DDX17: variants seen among roughly 807,000 people sequenced by gnomAD.
DDX17 encodes probable ATP-dependent RNA helicase DDX17.
Under a neutral mutation model 80.8 loss-of-function variants are expected in DDX17, and 10 were observed. The observed-to-expected ratio is 0.12, with a 90% CI of 0.08 to 0.21. The LOEUF (loss-of-function observed/expected upper bound fraction) is 0.21. Ranked by LOEUF, DDX17 falls within the 10% of genes least tolerant of loss-of-function variation. The pLI is 1.00. For synonymous variants in DDX17, 339 were observed against 336.2 expected, an observed-to-expected ratio of 1.01 and a Z score of -0.09; for missense variants, 586 against 957.4, an observed-to-expected ratio of 0.61 and a Z score of 5.12.
At chr22:38,494,408 G>A (rs538206318) in intron 8 of DDX17, 12 of 621,364 alleles carry the variant, frequency 1.9e-5, no homozygotes, top group African/African-American at 1.8e-4. Flanking sequence ...AAATTATACA[G>A]CTTGTAATCA....
In DDX17 at chr22:38,495,573, G is replaced by A. The variant is rs532257431; in HGVS notation, c.880+223C>T. On this transcript the variant is annotated intron_variant, in intron 6 of 12. Transcript: ENST00000403230. ...GAAGCTAAATTTTAACAAAGTAACC[G>A]CAAAACCATGTCAGGACTTATGTAC... is the stretch of plus-strand genomic sequence containing the variant. Among the ~76,000 whole-genome samples the A allele has an allele frequency of 2.6e-4, 40 of 152,166 alleles. No homozygotes were observed. The South Asian group carries it at 2.7e-3, about 10-fold the overall frequency.
chr22:38,486,016 A>G lies in DDX17; in HGVS notation c.2109T>C (p.Ala703=). 6.2e-7 allele frequency: 1 copy of G among 1,613,942 alleles called. No homozygotes were observed. The highest frequency in any genetic ancestry group is 8.5e-7 in the Non-Finnish European group (1 of 1,179,970). ...GCCCCATGTAACCTATCATATTGGTAGCTCCCGGAGGCTGTGCAAACTGTT... is the reference window on the plus strand; with the variant it reads ...GCCCCATGTAACCTATCATATTGGTGGCTCCCGGAGGCTGTGCAAACTGTT... Residue 703 remains alanine, a synonymous_variant, in exon 13 of 13, where the codon GCT becomes GCC. Coordinates refer to ENST00000403230, the MANE Select transcript of DDX17 (RefSeq NM_006386.5).
intron 6 of DDX17, 31 bp downstream of exon 6, chr22:38,495,765 C>G: frequency 1.4e-6 from 2 of 1,448,210 alleles, no homozygotes; most frequent in Non-Finnish European, 1.8e-6. Flanking sequence ...GTAAGATAAA[C>G]TAACAATTCT....
At chr22:38,497,819 A>AACACTTGATTTACTGCACAGTAAATGC (rs2089785839) in intron 5 of DDX17, among the ~76,000 whole-genome samples, 1 of 151,944 alleles carries the variant, frequency 6.6e-6, no homozygotes, top group Non-Finnish European at 1.5e-5. Flanking sequence ...AAAACCAGAA[A>AACACTTGATTTACTGCACAGTAAATGC]ACACTTGATT....
At chr22:38,501,445 CCT>C (rs1446815843) in intron 1 of DDX17, among the ~76,000 whole-genome samples, 165 bp from the exon 2 acceptor site, 1 of 152,096 alleles carries the variant, frequency 6.6e-6, no homozygotes, top group Non-Finnish European at 1.5e-5. Context: ...ATGTGTAAAA[CCT>C]CCCTTACTAC....
At chr22:38,498,009 A>G in intron 5 of DDX17, 76 bp downstream of exon 5, 2 of 1,395,038 alleles carry the variant, frequency 1.4e-6, no homozygotes, top group Non-Finnish European at 2.0e-6. Flanking sequence ...CAAATGGATA[A>G]TGTAAAGCAC....
chr22:38,504,964 A>AC (rs1156671260), intron 1 of DDX17, among the ~76,000 whole-genome samples: 1 of 152,144 alleles, frequency 6.6e-6, no homozygotes, highest in Non-Finnish European at 1.5e-5. Flanking sequence ...GCTGGAGTGC[A>AC]ATGGCGCGAT....
chr22:38,494,152 G>A (rs368012415), intron 8 of DDX17, 21 bp from the exon 9 acceptor site: 22 of 1,504,806 alleles, frequency 1.5e-5, no homozygotes, highest in Non-Finnish European at 1.9e-5. Flanking sequence ...GACCAACAAT[G>A]CAGTCATCAC....
chr22:38,490,038 AG>A, intron 11 of DDX17: 2 of 1,038,960 alleles, frequency 1.9e-6, no homozygotes, highest in Non-Finnish European at 2.3e-6. Flanking sequence ...TATTTCTAGA[AG>A]GGGGTGCTCA....
At chr22:38,488,185 A>G (rs2089679849) in intron 11 of DDX17, 70 bp from the exon 12 acceptor site, 1 of 1,609,320 alleles carries the variant, frequency 6.2e-7, no homozygotes, top group Non-Finnish European at 8.5e-7. Context: ...GGACATGCCA[A>G]CAACAGGTGG....
intron 1 of DDX17, 70 bp from the exon 2 acceptor site, chr22:38,501,350 T>A: frequency 6.6e-7 from 1 of 1,511,262 alleles, no homozygotes; most frequent in Non-Finnish European, 8.9e-7. Flanking sequence ...CATAAGAATA[T>A]TCAAAAAGGA....
chr22:38,495,848 A>G lies in DDX17; in HGVS notation c.828T>C (p.Thr276=), dbSNP rs919340586. The G allele has an allele frequency of 3.1e-6, 5 of 1,612,256 alleles. No homozygotes were observed. The highest frequency in any genetic ancestry group is 1.3e-5 in the African/African-American group (1 of 74,854). ...CTTTAGGAGCACCTCCATAAATACA[A>G]GTACTCTTCAATCTAGAACATTTGC... The change falls in exon 6 of 13, where the codon ACT becomes ACC. Residue 276 remains threonine, a synonymous_variant. Transcript: ENST00000403230.
chr22:38,498,196 T>C, intron 4 of DDX17, 46 bp from the exon 5 acceptor site: 2 of 1,588,666 alleles, frequency 1.3e-6, no homozygotes, highest in African/African-American at 1.3e-5. Context: ...AGAAGTACAA[T>C]CTTACTTAGA....
At chr22:38,505,697 T>C (rs989842268) in intron 1 of DDX17, 10 of 470,076 alleles carry the variant, frequency 2.1e-5, no homozygotes, top group Admixed American at 8.7e-5. Flanking sequence ...CCCGCGGGGC[T>C]GGGATGGGGC....
chr22:38,490,326 A>G, intron 11 of DDX17: 1 of 1,287,306 alleles, frequency 7.8e-7, no homozygotes, highest in Non-Finnish European at 1.0e-6. Flanking sequence ...ATCGCCAATC[A>G]CTAATAAGGA....
At chr22:38,490,810 T>C (rs1324241678) in intron 11 of DDX17, 1 of 192,712 alleles carries the variant, frequency 5.2e-6, no homozygotes, top group Non-Finnish European at 1.1e-5. Context: ...TGATGTTGAG[T>C]AACAAGAAAC....
rs1050884641 is a variant in DDX17, at chr22:38,493,854, A to AT, written c.1326-84dup. Reference sequence around the variant, plus strand: ...CTTTAAAGCCAAATGCTATCATGCAATTTTTGTAAGGTTTGTCAGGCTTCA... The same window carrying AT: ...CTTTAAAGCCAAATGCTATCATGCAATTTTTTGTAAGGTTTGTCAGGCTTCA... On this transcript the variant is annotated intron_variant, in intron 9 of 12. Coordinates refer to ENST00000403230, the MANE Select transcript of DDX17 (RefSeq NM_006386.5). 96 of 1,436,646 alleles carry AT rather than the reference A, an allele frequency of 6.7e-5. 1 individual carries two copies. The South Asian group carries it at 9.3e-4, about 14-fold the overall frequency. The allele number at this position is 1,436,646 out of a possible 1,614,324, so 89.0% of individuals were successfully genotyped here.
At position 38,489,783 on chromosome 22, in the gene DDX17, C is replaced by T. The variant is rs972733544; in HGVS notation, c.1448-1668G>A. The T allele has an allele frequency of 7.1e-6, 7 of 985,314 alleles. No individual in the cohort carries two copies. The African/African-American group carries it at 8.7e-5, about 12-fold the overall frequency. The allele number at this position is 985,314 out of a possible 1,614,324, so 61.0% of individuals were successfully genotyped here. ...TATCACAGGGGGCAGCTTGAGTCTC[C>T]GGCTAGGGTCGTTGACGCAACAAAG... is the stretch of plus-strand genomic sequence containing the variant. On this transcript the variant is annotated intron_variant, in intron 11 of 12. Coordinates refer to ENST00000403230, the MANE Select transcript of DDX17 (RefSeq NM_006386.5). The surrounding 1 kb of genome is among the most constrained non-coding windows in gnomAD (Gnocchi z 4.6).
intron 8 of DDX17, 42 bp from the exon 9 acceptor site, chr22:38,494,173 A>T: frequency 2.2e-6 from 3 of 1,334,550 alleles, no homozygotes; most frequent in Non-Finnish European, 3.2e-6. Flanking sequence ...ACAGAAAGTT[A>T]TTATGTGGAC....
Sources: allele counts gnomAD v4.1 joint callset (sites outside exome capture counted in the v4.1 genomes callset), GRCh38; gene constraint gnomAD v4.1.1; non-coding constraint Gnocchi (gnomAD v3.1); transcripts MANE v1.5; gene names NCBI Gene and HGNC (gene_info 2026-07-23, HGNC 2026-07-21).